The following AHRR variants were observed in gnomAD, a reference collection of about 807,000 sequenced individuals.
AHRR encodes the protein ahR repressor.
In AHRR, 28 loss-of-function variants were observed where a neutral mutation model predicts 44.0. The observed-to-expected ratio is 0.64, with a 90% CI of 0.47 to 0.87. AHRR has a LOEUF of 0.87. AHRR is among the 40% of genes least tolerant of loss of function. The probability of loss-of-function intolerance (pLI) is 0.00; values close to 1 mark genes in which losing one functional copy is unlikely to be tolerated. For synonymous variants in AHRR, 434 were observed against 407.0 expected (o/e 1.07, Z -0.80); for missense variants, 990 against 953.9 (o/e 1.04, Z -0.50).
chr5:376,775 T>A, intron 4 of AHRR, 59 bp downstream of exon 4: 1 of 1,445,442 alleles, frequency 6.9e-7, no homozygotes, highest in South Asian at 1.2e-5. Flanking sequence ...GTCACGCGTG[T>A]TCAGGCTCAG....
At chr5:345,758 G>A (rs1234249454) in intron 2 of AHRR, among the ~76,000 whole-genome samples, 4 of 152,070 alleles carry the variant, frequency 2.6e-5, no homozygotes, top group Non-Finnish European at 4.4e-5. Flanking sequence ...TGGCCTTAGT[G>A]TGTGGCCGTG....
intron 1 of AHRR, among the ~76,000 whole-genome samples, chr5:335,799 C>T (rs891778712): frequency 6.6e-6 from 1 of 152,246 alleles, no homozygotes; most frequent in African/African-American, 2.4e-5. Flanking sequence ...CAGTTTGTGC[C>T]TGGCCCGCAA....
intron 2 of AHRR, among the ~76,000 whole-genome samples, chr5:349,007 T>C (rs1300320835): frequency 6.6e-6 from 1 of 152,222 alleles, no homozygotes; most frequent in Non-Finnish European, 1.5e-5. Context: ...GTTTTGACCA[T>C]CCTCATGGGT....
Position 337,083 on chromosome 5 carries a change from T to C in AHRR, c.-10-6810T>C, listed in dbSNP as rs1487308255. On this transcript the variant is annotated intron_variant, in intron 1 of 10. Coordinates refer to ENST00000684583, the MANE Select transcript of AHRR (RefSeq NM_001377236.1). This position sits in a 1 kb window ranked among gnomAD's most constrained non-coding sequence, Gnocchi z 4.1. Reference sequence around the variant, plus strand: ...ACAGTTTCTTTCTTTTTAATGTTTTTTTTTAAAGCCAAACATTTTATTATG... The same window carrying C: ...ACAGTTTCTTTCTTTTTAATGTTTTCTTTTAAAGCCAAACATTTTATTATG... 6.6e-6 allele frequency among the ~76,000 whole-genome samples: 1 copy of C among 152,222 alleles called. No individual in the cohort carries two copies. Among genetic ancestry groups the C allele is most frequent in the Non-Finnish European group, 1.5e-5 (1 of 68,042 alleles).
At chr5:376,109 G>GCGGCCCCTGGGGGCGTGGGGCCTGCC (rs1266508020) in intron 3 of AHRR, among the ~76,000 whole-genome samples, 19 of 151,940 alleles carry the variant, frequency 1.3e-4, no homozygotes, top group Admixed American at 2.0e-4. Flanking sequence ...CGATGCGGGT[G>GCGGCCCCTGGGGGCGTGGGGCCTGCC]TGCAGGGCAC....
intron 3 of AHRR, 55 bp from the exon 4 acceptor site, chr5:376,555 A>ACCATGGGGT: frequency 7.7e-6 from 11 of 1,428,916 alleles, no homozygotes; most frequent in Non-Finnish European, 9.4e-6. Context: ...TGAATGAAGA[A>ACCATGGGGT]GAGTGGCCAG....
chr5:399,867 T>C lies in AHRR; in HGVS notation c.352-13477T>C, dbSNP rs374187038. Among the ~76,000 whole-genome samples the C allele has an allele frequency of 9.8e-4, 150 of 152,372 alleles. 7 individuals carry two copies. In the East Asian group the frequency reaches 0.012, roughly 12 times the overall value. On this transcript the variant is annotated intron_variant, in intron 4 of 10. Transcript: ENST00000684583. ...TGCATTCTCAAGAACTGTTTTCAAA[T>C]GTCGGAGCTGCTCCGTGGAAGAGAG...
At chr5:354,089 G>C (rs1354543737) in intron 3 of AHRR, among the ~76,000 whole-genome samples, 178 bp downstream of exon 3, 1 of 152,210 alleles carries the variant, frequency 6.6e-6, no homozygotes, top group Non-Finnish European at 1.5e-5. Context: ...GAGCTGGCTG[G>C]GCTGTGGATT....
At position 343,966 on chromosome 5, in the gene AHRR, T is replaced by C. The variant is rs1742465751; in HGVS notation, c.62+2T>C. 1.9e-6 allele frequency: 3 copies of C among 1,595,194 alleles called. No homozygotes were observed. Among genetic ancestry groups the C allele is most frequent in the Non-Finnish European group, 2.6e-6 (3 of 1,171,872 alleles). On this transcript the variant is annotated splice_donor_variant, in intron 2 of 10. Transcript: ENST00000684583. LOFTEE classifies it high-confidence loss of function. ...GCGGAGGAGGCCCCTGCAGAAACAG[T>C]AAAGTATCCCGCCTTCTGCTTGTGT...
intron 7 of AHRR, among the ~76,000 whole-genome samples, chr5:426,967 C>CATGG (rs144989841): frequency 0.095 from 10,621 of 111,950 alleles, 460 homozygotes; most frequent in East Asian, 0.16. Flanking sequence ...TGGATGGAAA[C>CATGG]ATGGATGGAT....
At position 434,663 on chromosome 5, in the gene AHRR, ACAGTCCTGCACCTG is replaced by A; in HGVS notation, c.1927_1940del (p.Thr645Ter). On this transcript the variant is annotated frameshift_variant, in exon 11 of 11. Transcript: ENST00000684583. ...AGCTCTGTGCACGGGGCCGAGGTGAACAGTCCTGCACCTGCAGAGCTGCTGAGGCCGCCCCTGTG... is the reference window on the plus strand; with the variant it reads ...AGCTCTGTGCACGGGGCCGAGGTGAACAGAGCTGCTGAGGCCGCCCCTGTG... 6.4e-7 allele frequency: 1 copy of A among 1,567,236 alleles called. No homozygotes were observed. The highest frequency in any genetic ancestry group is 8.7e-7 in the Non-Finnish European group (1 of 1,156,012).
chr5:381,206 G>T (rs1326836553), intron 4 of AHRR, among the ~76,000 whole-genome samples: 1 of 152,202 alleles, frequency 6.6e-6, no homozygotes, highest in Non-Finnish European at 1.5e-5. Flanking sequence ...CGAATCACAT[G>T]CCAATCTCCT....
At chr5:429,950 C>T (rs888907643) in intron 8 of AHRR, among the ~76,000 whole-genome samples, 4 of 152,186 alleles carry the variant, frequency 2.6e-5, no homozygotes, top group African/African-American at 7.2e-5. Context: ...CCCCGGGTTA[C>T]GGTTTCCAGA....
chr5:345,476 CTG>C (rs1298511963), intron 2 of AHRR, among the ~76,000 whole-genome samples: 10 of 92,918 alleles, frequency 1.1e-4, no homozygotes, highest in Middle Eastern at 6.6e-3. Flanking sequence ...ATGTCCCTGG[CTG>C]TGTGTGGGGA....
At chr5:366,058 T>TCC (rs200793058) in intron 3 of AHRR, among the ~76,000 whole-genome samples, 3 of 149,516 alleles carry the variant, frequency 2.0e-5, no homozygotes, top group African/African-American at 7.4e-5. Flanking sequence ...ACACTCACCT[T>TCC]CCCCCCCCAC....
intron 4 of AHRR, among the ~76,000 whole-genome samples, chr5:393,907 C>T (rs11738071): frequency 0.098 from 14,962 of 152,270 alleles, 1,011 homozygotes; most frequent in Admixed American, 0.13. Flanking sequence ...GGATGACAGG[C>T]GTGAGCCGCT....
At chr5:341,721 G>A (rs1377259095) in intron 1 of AHRR, among the ~76,000 whole-genome samples, 1 of 151,490 alleles carries the variant, frequency 6.6e-6, no homozygotes, top group Non-Finnish European at 1.5e-5. Flanking sequence ...ATCTCTTATC[G>A]ACTTATTTTT....
chr5:403,698 T>TTA, intron 4 of AHRR: 2 of 772,498 alleles, frequency 2.6e-6, no homozygotes, highest in South Asian at 1.9e-5. Context: ...TTTTTTTTAC[T>TTA]TTCTCTCAGA....
At chr5:392,803 C>T (rs183743842) in intron 4 of AHRR, among the ~76,000 whole-genome samples, 4 of 152,220 alleles carry the variant, frequency 2.6e-5, no homozygotes, top group East Asian at 3.9e-4. Context: ...CAGGCCTTAC[C>T]GCGACTGCCT....
Sources: gnomAD v4.1 joint callset for allele counts (sites outside exome capture counted in the v4.1 genomes callset) on GRCh38, gnomAD v4.1.1 for gene constraint, Gnocchi (gnomAD v3.1) non-coding constraint, MANE v1.5 for transcripts, NCBI Gene and HGNC (gene_info 2026-07-23, HGNC 2026-07-21) for gene names.